Variants in ANKRD30BL observed in about 807,000 individuals in gnomAD.
The protein encoded by ANKRD30BL is ankyrin repeat domain 30B like.
In ANKRD30BL, 20 loss-of-function variants were observed where a neutral mutation model predicts 18.4. The ratio of observed to expected loss-of-function variants is 1.09; its 90% CI spans 0.77 to 1.58. ANKRD30BL has a LOEUF of 1.58. Ranked by LOEUF, ANKRD30BL falls within the 40% of genes most tolerant of loss-of-function variation. The probability of loss-of-function intolerance (pLI) is 0.00; values close to 1 mark genes in which losing one functional copy is unlikely to be tolerated. For synonymous variants in ANKRD30BL, 72 were observed against 100.9 expected (o/e 0.71, Z 1.72); for missense variants, 224 against 268.6 (o/e 0.83, Z 1.16).
chr2:132,194,340 C>G (rs1004769086), intron 1 of ANKRD30BL, among the ~76,000 whole-genome samples: 1 of 152,134 alleles, frequency 6.6e-6, no homozygotes, highest in East Asian at 1.9e-4. Context: ...TTTTAATGAC[C>G]AAGGAAATTT....
At chr2:132,203,987 G>A (rs920604766) in intron 1 of ANKRD30BL, among the ~76,000 whole-genome samples, 10 of 152,016 alleles carry the variant, frequency 6.6e-5, no homozygotes, top group African/African-American at 2.2e-4. Context: ...TTATAATTAT[G>A]TATTCATTGT....
intron 1 of ANKRD30BL, among the ~76,000 whole-genome samples, chr2:132,178,329 C>T (rs76979183): frequency 6.6e-6 from 1 of 152,072 alleles, no homozygotes; most frequent in African/African-American, 2.4e-5. Context: ...TCAATGAGTT[C>T]CAATAAAGGT....
At chr2:132,170,651 A>T in intron 1 of ANKRD30BL, among the ~76,000 whole-genome samples, 1 of 152,212 alleles carries the variant, frequency 6.6e-6, no homozygotes, top group Non-Finnish European at 1.5e-5. Context: ...ATTGTACTTT[A>T]AATGCTGAGC....
intron 1 of ANKRD30BL, among the ~76,000 whole-genome samples, chr2:132,220,696 C>G (rs908245859): frequency 1.7e-4 from 26 of 152,074 alleles, no homozygotes; most frequent in Admixed American, 1.5e-3. Context: ...AGTGCAGTGG[C>G]GTGATCTCGG....
At chr2:132,179,275 A>G (rs1393361812) in intron 1 of ANKRD30BL, among the ~76,000 whole-genome samples, 1 of 144,742 alleles carries the variant, frequency 6.9e-6, no homozygotes, top group Non-Finnish European at 1.5e-5. Flanking sequence ...TATATTTACT[A>G]CTCTATTCTT....
rs994073557 is a variant in ANKRD30BL, at chr2:132,150,922, A to G, written c.669T>C (p.Asn223=). 9 of 628,456 alleles carry G rather than the reference A, an allele frequency of 1.4e-5. No homozygotes were observed. Among genetic ancestry groups the G allele is most frequent in the African/African-American group, 1.3e-4 (7 of 53,290 alleles). The allele number at this position is 628,456 out of a possible 1,614,324, so 38.9% of individuals were successfully genotyped here. A position where few individuals can be genotyped will look rare whatever the true frequency, so the allele number is the denominator to read the frequency against. ...TATCAGAGGTCTTACCTGGATTACT[A>G]TTTTGAGAATTTTTAGATATCTTTT... ...YKQKISKNSQ[N]SNPEGTSEGT... The change falls in exon 5 of 6, where the codon AAT becomes AAC. Residue 223 remains asparagine, a synonymous_variant. Transcript: ENST00000409867.
intron 1 of ANKRD30BL, among the ~76,000 whole-genome samples, chr2:132,198,544 C>T (rs1294692818): frequency 2.0e-5 from 3 of 151,620 alleles, no homozygotes; most frequent in Admixed American, 6.6e-5. Flanking sequence ...AGGATGGTCT[C>T]CATCTCCTGA....
chr2:132,234,822 C>T (rs1287310969), intron 1 of ANKRD30BL, among the ~76,000 whole-genome samples: 4 of 152,094 alleles, frequency 2.6e-5, no homozygotes, highest in African/African-American at 9.7e-5. Flanking sequence ...GGGAATCCTC[C>T]CTAACTCATT....
rs1438067268 is a variant in ANKRD30BL at position 132,241,921 on chromosome 2, A to T, written n.441+15608T>A. 2.6e-5 allele frequency among the ~76,000 whole-genome samples: 4 copies of T among 152,134 alleles called. No homozygotes were observed. In the South Asian group the frequency reaches 8.3e-4, roughly 31 times the overall value. On this transcript the variant is annotated intron_variant and non_coding_transcript_variant, in intron 1 of 4. Coordinates refer to the ANKRD30BL transcript ENST00000470729. ...TGTGATGATTGCATTCAACTCACAGAGTTGAACATTCCTTTTCATAGAACA... is the reference window on the plus strand; with the variant it reads ...TGTGATGATTGCATTCAACTCACAGTGTTGAACATTCCTTTTCATAGAACA...
chr2:132,206,094 G>A lies in ANKRD30BL; in HGVS notation n.442-48948C>T, dbSNP rs186618754. Among the ~76,000 whole-genome samples the A allele has an allele frequency of 2.2e-3, 342 of 152,250 alleles. 1 individual carries two copies. The highest frequency in any genetic ancestry group is 7.3e-3 in the African/African-American group (305 of 41,540). ...AATCACTTGAACCCGGGAGGTGGAG[G>A]TCGCAGTGAGCCGAGATGATGCCAC... On this transcript the variant is annotated intron_variant and non_coding_transcript_variant, in intron 1 of 4. Coordinates refer to the ANKRD30BL transcript ENST00000470729.
chr2:132,210,031 A>G (rs72483345), intron 1 of ANKRD30BL, among the ~76,000 whole-genome samples: 1 of 151,530 alleles, frequency 6.6e-6, no homozygotes, highest in Non-Finnish European at 1.5e-5. Context: ...AGTATCTTCA[A>G]TTAAAAACTA....
intron 1 of ANKRD30BL, among the ~76,000 whole-genome samples, chr2:132,194,393 G>A (rs185552134): frequency 1.3e-5 from 2 of 152,250 alleles, no homozygotes; most frequent in Non-Finnish European, 2.9e-5. Flanking sequence ...GTCAGCGACA[G>A]CCTGGCTTTA....
At chr2:132,207,888 G>T (rs4055995) in intron 1 of ANKRD30BL, among the ~76,000 whole-genome samples, 1 of 152,132 alleles carries the variant, frequency 6.6e-6, no homozygotes, top group South Asian at 2.1e-4. Context: ...GTTGTAGTTA[G>T]TATGATACTA....
chr2:132,228,976 A>G (rs1195162808), intron 1 of ANKRD30BL, among the ~76,000 whole-genome samples: 9 of 151,498 alleles, frequency 5.9e-5, no homozygotes. Context: ...TTTTAGAAAC[A>G]TCTTTGTGAT....
intron 1 of ANKRD30BL, among the ~76,000 whole-genome samples, chr2:132,178,724 A>G (rs1350068060): frequency 6.6e-6 from 1 of 152,196 alleles, no homozygotes; most frequent in South Asian, 2.1e-4. Context: ...GAAATAAGAA[A>G]TAAAGACTGT....
intron 1 of ANKRD30BL, among the ~76,000 whole-genome samples, chr2:132,186,414 C>G (rs1430665565): frequency 1.3e-5 from 2 of 152,048 alleles, no homozygotes; most frequent in East Asian, 3.9e-4. Flanking sequence ...TTACTATATT[C>G]TAATAATTGT....
At position 132,225,882 on chromosome 2, in the gene ANKRD30BL, T is replaced by G. The variant is rs376251915; in HGVS notation, n.441+31647A>C. On this transcript the variant is annotated intron_variant and non_coding_transcript_variant, in intron 1 of 4. Transcript: ENST00000470729. ...ATTCTCAGAAACTTCTTTGTGATAG[T>G]GATGTGTGCATTCAACTCACAGAGT... 1.9e-3 allele frequency among the ~76,000 whole-genome samples: 292 copies of G among 151,930 alleles called. 1 individual carries two copies. The highest frequency in any genetic ancestry group is 3.2e-3 in the Non-Finnish European group (219 of 67,878).
At chr2:132,193,234 T>A (rs1678895924) in intron 1 of ANKRD30BL, among the ~76,000 whole-genome samples, 1 of 152,206 alleles carries the variant, frequency 6.6e-6, no homozygotes, top group African/African-American at 2.4e-5. Context: ...GGACGATACA[T>A]ATGGGCCCCA....
chr2:132,173,059 A>AT (rs1688309402), intron 1 of ANKRD30BL, among the ~76,000 whole-genome samples: 3 of 98,870 alleles, frequency 3.0e-5, no homozygotes, highest in Non-Finnish European at 4.4e-5. Context: ...TAATTTTTTT[A>AT]TTTTTTCATT....
Sources: gnomAD v4.1 joint callset for allele counts (sites outside exome capture counted in the v4.1 genomes callset) on GRCh38, gnomAD v4.1.1 for gene constraint, MANE v1.5 for transcripts, NCBI Gene and HGNC (gene_info 2026-07-23, HGNC 2026-07-21) for gene names.